GPATCH1: variants seen among roughly 807,000 people sequenced by gnomAD.
GPATCH1 encodes the protein G-patch domain containing 1, also known as G patch domain-containing protein 1.
Under a neutral mutation model 114.9 loss-of-function variants are expected in GPATCH1, and 73 were observed. That is an observed-to-expected ratio of 0.64 (90% CI 0.53 to 0.77). GPATCH1 has a LOEUF of 0.77. Among genes scored for constraint, GPATCH1 ranks in the 30% least tolerant of loss-of-function variants. The pLI is 0.00. For synonymous variants in GPATCH1, 391 were observed against 428.4 expected (o/e 0.91, Z 1.08); for missense variants, 1,058 against 1,144.3 (o/e 0.92, Z 1.09).
Position 33,109,749 on chromosome 19 carries a change from CA to C in GPATCH1, c.1323del (p.Asp442ThrfsTer8). ...TACTTCAGTGTTAGAATTTCTGTCCCAAAAAGACAAAGAGAGAATCAAAGAA... is the reference window on the plus strand; with the variant it reads ...TACTTCAGTGTTAGAATTTCTGTCCCAAAAGACAAAGAGAGAATCAAAGAA... ...SATSVLEFLSQKDKERIKEMK... is the reference protein window; with the variant it reads ...SATSVLEFLSXKDKERIKEMK... On this transcript the variant is annotated frameshift_variant, in exon 11 of 20. Coordinates refer to ENST00000170564, the MANE Select transcript of GPATCH1 (RefSeq NM_018025.3). LOFTEE classifies it high-confidence loss of function. 6.3e-7 allele frequency: 1 copy of C among 1,583,600 alleles called. No individual in the cohort carries two copies. The highest frequency in any genetic ancestry group is 1.1e-5 in the South Asian group (1 of 86,968).
chr19:33,108,861 A>T (rs1948099395), intron 10 of GPATCH1, among the ~76,000 whole-genome samples: 2 of 152,104 alleles, frequency 1.3e-5, no homozygotes, highest in South Asian at 4.1e-4. Flanking sequence ...CAGGTTCCCC[A>T]TCCTGGAATC....
chr19:33,115,151 G>A (rs987627842), intron 15 of GPATCH1, among the ~76,000 whole-genome samples: 2 of 146,542 alleles, frequency 1.4e-5, no homozygotes, highest in Middle Eastern at 3.7e-3. Context: ...AGGCTCGAAC[G>A]CCCAGGTTCA....
intron 17 of GPATCH1, among the ~76,000 whole-genome samples, chr19:33,121,627 T>A (rs905911665): frequency 6.6e-6 from 1 of 152,116 alleles, no homozygotes; most frequent in Non-Finnish European, 1.5e-5. Context: ...CCGCCAAGTC[T>A]CCTTTTTACT....
intron 3 of GPATCH1, among the ~76,000 whole-genome samples, chr19:33,092,538 G>A (rs1269963664): frequency 6.6e-6 from 1 of 152,136 alleles, no homozygotes; most frequent in Non-Finnish European, 1.5e-5. Flanking sequence ...CCCAACACTG[G>A]GAGTACCACT....
intron 17 of GPATCH1, among the ~76,000 whole-genome samples, chr19:33,121,750 T>A (rs560254349): frequency 6.6e-6 from 1 of 152,342 alleles, no homozygotes; most frequent in African/African-American, 2.4e-5. Flanking sequence ...GCATCTTAAA[T>A]TGGCATTTCA....
In GPATCH1 at chr19:33,125,345, T is replaced by G. The variant is rs1973029134; in HGVS notation, c.2619+143T>G. On this transcript the variant is annotated intron_variant, in intron 18 of 19. Transcript: ENST00000170564. ...TGAGACTTAACAGAAATGTTGACAT[T>G]CAATTCAAATGCTTGATTTTTCAGA... 5.5e-6 allele frequency: 5 copies of G among 908,760 alleles called. No homozygotes were observed. In the South Asian group the frequency reaches 1.0e-4, roughly 18 times the overall value. 56.3% of individuals were successfully genotyped at this position (908,760 alleles called of 1,614,324 possible).
chr19:33,101,287 C>T (rs1044665566), intron 8 of GPATCH1, among the ~76,000 whole-genome samples: 4 of 152,118 alleles, frequency 2.6e-5, no homozygotes, highest in South Asian at 2.1e-4. Context: ...CTGTCCAGGG[C>T]GGTGTGGGCC....
intron 8 of GPATCH1, among the ~76,000 whole-genome samples, chr19:33,098,896 C>CTTCCTTTTTTT (rs1972693821): frequency 6.6e-6 from 1 of 151,826 alleles, no homozygotes; most frequent in African/African-American, 2.4e-5. Flanking sequence ...CTAGTACTTA[C>CTTCCTTTTTTT]TTCCTTTTTT....
chr19:33,100,684 G>C (rs1972716293), intron 8 of GPATCH1, among the ~76,000 whole-genome samples: 7 of 151,624 alleles, frequency 4.6e-5, no homozygotes, highest in Admixed American at 4.6e-4. Context: ...ATGATGAGTG[G>C]CTAAAAGCCT....
chr19:33,081,221 G>A lies in GPATCH1; in HGVS notation c.28G>A (p.Glu10Lys). The A allele has an allele frequency of 6.4e-7, 1 of 1,551,816 alleles. No individual in the cohort carries two copies. Among genetic ancestry groups the A allele is most frequent in the Non-Finnish European group, 8.7e-7 (1 of 1,147,074 alleles). The change falls in exon 1 of 20, where the codon GAA becomes AAA. Residue 10 changes from glutamate to lysine, a missense_variant. This residue lies in a region of GPATCH1 where 131 missense variants were observed against 107.2 expected (regional missense o/e 1.22). Coordinates refer to ENST00000170564, the MANE Select transcript of GPATCH1 (RefSeq NM_018025.3). The part of the protein sequence containing the change: MAARDSDSE[E>K]DLVSYGTGLE... ...GGCGGCGCGGGACAGTGACAGCGAA[G>A]AAGATCTGGTCAGCTATGGGACCGG... is the stretch of plus-strand genomic sequence containing the variant.
At chr19:33,109,271 C>G (rs1464746233) in intron 10 of GPATCH1, among the ~76,000 whole-genome samples, 2 of 152,132 alleles carry the variant, frequency 1.3e-5, no homozygotes, top group Non-Finnish European at 2.9e-5. Context: ...AATCCCAGCA[C>G]TTTGGGAGGC....
chr19:33,112,793 A>G (rs1379280171), intron 13 of GPATCH1, 180 bp downstream of exon 13: 5 of 488,760 alleles, frequency 1.0e-5, no homozygotes, highest in Non-Finnish European at 1.8e-5. Flanking sequence ...ATAATTTGTT[A>G]CTAAAACAAA....
chr19:33,109,979 C>G lies in GPATCH1; in HGVS notation c.1548C>G (p.Tyr516Ter). Residue 516 changes from tyrosine (Y) to a stop codon, truncating the protein, a stop_gained, in exon 11 of 20, where the codon TAC (tyrosine) becomes TAG (stop). Transcript: ENST00000170564. LOFTEE classifies it high-confidence loss of function. Reference protein sequence around the residue: ...FAKDPEKQKRYDEFLVHMKQG... With the variant: ...FAKDPEKQKR Reference sequence around the variant, plus strand: ...AAGATCCGGAAAAGCAAAAGCGATACGACGAGTTCTTAGTACACATGAAAC... The same window carrying G: ...AAGATCCGGAAAAGCAAAAGCGATAGGACGAGTTCTTAGTACACATGAAAC... 2.5e-6 allele frequency: 4 copies of G among 1,613,572 alleles called. No individual in the cohort carries two copies. The highest frequency in any genetic ancestry group is 3.4e-6 in the Non-Finnish European group (4 of 1,179,798).
At position 33,113,902 on chromosome 19, in the gene GPATCH1, C is replaced by T. The variant is rs775093525; in HGVS notation, c.2028C>T (p.Asp676=). The part of the protein sequence containing the change: ...SEKVSQHRGP[D]KSRKPSRWDT... ...AAGTATCACAGCACCGAGGTCCCGA[C>T]AGTGAGTAGGGCGTCCCCGGGGTCT... The change falls in exon 14 of 20, where the codon GAC becomes GAT. Residue 676 remains aspartate, a splice_region_variant and synonymous_variant. Coordinates refer to ENST00000170564, the MANE Select transcript of GPATCH1 (RefSeq NM_018025.3). The T allele has an allele frequency of 6.2e-7, 1 of 1,613,820 alleles. No homozygotes were observed. The highest frequency in any genetic ancestry group is 1.3e-5 in the African/African-American group (1 of 74,934).
chr19:33,109,099 C>T (rs1461429927), intron 10 of GPATCH1, among the ~76,000 whole-genome samples: 1 of 152,058 alleles, frequency 6.6e-6, no homozygotes, highest in Non-Finnish European at 1.5e-5. Flanking sequence ...TACCTGTGGT[C>T]CCAGCTACTC....
chr19:33,088,279 C>G lies in GPATCH1; in HGVS notation c.208+11C>G. The G allele has an allele frequency of 6.3e-7, 1 of 1,582,880 alleles. No individual in the cohort carries two copies. Among genetic ancestry groups the G allele is most frequent in the Non-Finnish European group, 8.6e-7 (1 of 1,161,568 alleles). On this transcript the variant is annotated intron_variant, in intron 2 of 19. Transcript: ENST00000170564. ...TTGGCTCAAAAGAAGGTATCATTTTCCTAATTGTAGCTATTATACCATTAA... is the reference window on the plus strand; with the variant it reads ...TTGGCTCAAAAGAAGGTATCATTTTGCTAATTGTAGCTATTATACCATTAA...
At chr19:33,083,243 C>CAAAA (rs759998717) in intron 1 of GPATCH1, among the ~76,000 whole-genome samples, 6,761 of 61,360 alleles carry the variant, frequency 0.11, 411 homozygotes, top group Non-Finnish European at 0.15. Flanking sequence ...GACTCTGTCT[C>CAAAA]AAAAAAAAAA....
intron 15 of GPATCH1, among the ~76,000 whole-genome samples, chr19:33,115,150 C>T (rs8111153): frequency 0.23 from 33,724 of 148,586 alleles, 5,967 homozygotes; most frequent in African/African-American, 0.48. Flanking sequence ...CAGGCTCGAA[C>T]GCCCAGGTTC....
chr19:33,126,085 G>A (rs1568352156), intron 18 of GPATCH1, among the ~76,000 whole-genome samples: 2 of 152,300 alleles, frequency 1.3e-5, no homozygotes, highest in Non-Finnish European at 2.9e-5. Context: ...TATGGCGGAT[G>A]ACGGGCGTTC....
Sources: allele counts gnomAD v4.1 joint callset (sites outside exome capture counted in the v4.1 genomes callset), GRCh38; gene constraint gnomAD v4.1.1; regional missense constraint gnomAD v4.1.1; transcripts MANE v1.5; gene names NCBI Gene and HGNC (gene_info 2026-07-23, HGNC 2026-07-21).